Variants in THEM4 observed in about 807,000 individuals in gnomAD.
THEM4 encodes the protein thioesterase superfamily member 4.
Under a neutral mutation model 25.0 loss-of-function variants are expected in THEM4, and 22 were observed. The observed-to-expected ratio is 0.88, with a 90% CI of 0.63 to 1.26. The LOEUF (loss-of-function observed/expected upper bound fraction) is 1.26. Ranked by LOEUF, THEM4 falls within the 50% of genes most tolerant of loss-of-function variation. THEM4 has a pLI of 0.00. For synonymous variants in THEM4, 113 were observed against 105.6 expected (o/e 1.07, Z -0.43); for missense variants, 286 against 300.3 (o/e 0.95, Z 0.35).
chr1:151,897,455 C>T (rs532493640), intron 1 of THEM4, among the ~76,000 whole-genome samples: 5 of 152,306 alleles, frequency 3.3e-5, no homozygotes, highest in South Asian at 4.1e-4. Context: ...TTCCTGCCCT[C>T]GAACATCGGA....
At chr1:151,883,050 GGA>G (rs10549601) in intron 4 of THEM4, among the ~76,000 whole-genome samples, 132,375 of 149,724 alleles carry the variant, frequency 0.88, 58,672 homozygotes, top group East Asian at 0.92. Context: ...CATGGTGGCA[GGA>G]GAGAGAGAGA....
chr1:151,905,808 A>G (rs1182235764), intron 1 of THEM4, among the ~76,000 whole-genome samples: 1 of 152,242 alleles, frequency 6.6e-6, no homozygotes, highest in Admixed American at 6.5e-5. Flanking sequence ...TCTAAACAGC[A>G]CAGTGAAGGT....
chr1:151,906,581 G>A (rs577891279), intron 1 of THEM4, among the ~76,000 whole-genome samples: 7 of 152,366 alleles, frequency 4.6e-5, no homozygotes, highest in African/African-American at 1.7e-4. Flanking sequence ...GATCCACTGG[G>A]TGAAGCCAGC....
intron 5 of THEM4, 99 bp downstream of exon 5, chr1:151,876,900 CCT>C (rs1396037159): frequency 7.7e-6 from 11 of 1,436,814 alleles, no homozygotes; most frequent in South Asian, 1.5e-5. Flanking sequence ...AAAACACCCC[CCT>C]GACCCCCACA....
intron 2 of THEM4, among the ~76,000 whole-genome samples, chr1:151,893,020 C>T (rs1265909305): frequency 1.3e-5 from 2 of 152,104 alleles, no homozygotes; most frequent in Non-Finnish European, 2.9e-5. Flanking sequence ...GAGAGGTTAG[C>T]GGACTCAGCA....
intron 1 of THEM4, among the ~76,000 whole-genome samples, chr1:151,897,496 T>C (rs1654251077): frequency 6.6e-6 from 1 of 152,256 alleles, no homozygotes; most frequent in Non-Finnish European, 1.5e-5. Context: ...GGACTCTGAC[T>C]GGCTCTCCTT....
chr1:151,906,971 A>G (rs551618293), intron 1 of THEM4, among the ~76,000 whole-genome samples: 2 of 152,284 alleles, frequency 1.3e-5, no homozygotes, highest in South Asian at 2.1e-4. Context: ...CAGCAGTGGC[A>G]ACCCGCTCGG....
Position 151,872,026 on chromosome 1 carries a change from G to A in THEM4, c.*2862C>T, listed in dbSNP as rs1558186300. ...ATTTGTTGGAAGACTGGGAATAGAG[G>A]GTGGCCATTGCCAGACCTGTAACTT... On this transcript the variant is annotated 3_prime_UTR_variant, in exon 6 of 6. Coordinates refer to ENST00000368814, the MANE Select transcript of THEM4 (RefSeq NM_053055.5). Among the ~76,000 whole-genome samples the A allele has an allele frequency of 6.6e-6, 1 of 152,214 alleles. No homozygotes were observed. The highest frequency in any genetic ancestry group is 1.9e-4 in the East Asian group (1 of 5,202).
Position 151,873,879 on chromosome 1 carries a change from T to C in THEM4, c.*1009A>G, listed in dbSNP as rs1653609222. ...CCTAGCACTTTCAGGAGAATGGCCT[T>C]GGTCAACACCTTGATTTTGAACTTC... On this transcript the variant is annotated 3_prime_UTR_variant, in exon 6 of 6. Coordinates refer to ENST00000368814, the MANE Select transcript of THEM4 (RefSeq NM_053055.5). 6.6e-6 allele frequency: 1 copy of C among 152,224 alleles called. No homozygotes were observed. The highest frequency in any genetic ancestry group is 2.4e-5 in the African/African-American group (1 of 41,454). 9.4% of individuals were successfully genotyped at this position (152,224 alleles called of 1,614,324 possible).
intron 1 of THEM4, among the ~76,000 whole-genome samples, chr1:151,897,111 T>G (rs1558193360): frequency 6.6e-6 from 1 of 152,132 alleles, no homozygotes; most frequent in Non-Finnish European, 1.5e-5. Flanking sequence ...CAGAACAAAG[T>G]GTATGCCCAC....
intron 2 of THEM4, chr1:151,889,687 G>T: frequency 4.8e-6 from 1 of 207,668 alleles, no homozygotes; most frequent in Non-Finnish European, 9.6e-6. Context: ...CGGTAAAGAC[G>T]GAAATCCTTC....
chr1:151,899,165 G>A (rs1223840916), intron 1 of THEM4, among the ~76,000 whole-genome samples: 1 of 152,176 alleles, frequency 6.6e-6, no homozygotes, highest in Non-Finnish European at 1.5e-5. Flanking sequence ...GAAAGGCAAA[G>A]CCCAATGCAA....
intron 4 of THEM4, among the ~76,000 whole-genome samples, chr1:151,877,995 C>T (rs1173941489): frequency 6.6e-6 from 1 of 152,062 alleles, no homozygotes; most frequent in Non-Finnish European, 1.5e-5. Flanking sequence ...ATCTCTCTGC[C>T]CAGTTTTCCT....
intron 4 of THEM4, among the ~76,000 whole-genome samples, chr1:151,879,010 A>C (rs1653751037): frequency 6.6e-6 from 1 of 152,124 alleles, no homozygotes; most frequent in African/African-American, 2.4e-5. Context: ...ACAATGAGAG[A>C]GAGCATACAT....
At chr1:151,882,652 G>A (rs1259027635) in intron 4 of THEM4, among the ~76,000 whole-genome samples, 18 of 152,186 alleles carry the variant, frequency 1.2e-4, no homozygotes. Flanking sequence ...AGGTGGGCAT[G>A]TTGATGTATT....
In THEM4 at chr1:151,888,369, C is replaced by T. The variant is rs1654016670; in HGVS notation, c.461G>A (p.Gly154Asp). 1 of 1,612,540 alleles carries T rather than the reference C, an allele frequency of 6.2e-7. No homozygotes were observed. Among genetic ancestry groups the T allele is most frequent in the South Asian group, 1.1e-5 (1 of 90,886 alleles). ...LEGPPGFIHGGAIATMIDATV... is the reference protein window; with the variant it reads ...LEGPPGFIHGDAIATMIDATV... ...AGCATCAATCATGGTTGCAATGGCA[C>T]CTCCATGAATGAATCTAGTTACAAC... Residue 154 changes from glycine to aspartate, a missense_variant, in exon 4 of 6, where the codon GGT becomes GAT. Transcript: ENST00000368814.
chr1:151,899,588 C>T, intron 1 of THEM4, among the ~76,000 whole-genome samples: 1 of 150,866 alleles, frequency 6.6e-6, no homozygotes, highest in Non-Finnish European at 1.5e-5. Flanking sequence ...TGCAAATTAA[C>T]CTAATCCAAC....
intron 1 of THEM4, among the ~76,000 whole-genome samples, chr1:151,898,811 G>A (rs188233414): frequency 1.3e-5 from 2 of 152,352 alleles, no homozygotes; most frequent in Admixed American, 1.3e-4. Flanking sequence ...GACTCACTGG[G>A]TGGCTAGACC....
intron 4 of THEM4, among the ~76,000 whole-genome samples, chr1:151,881,341 G>T (rs541246366): frequency 6.6e-6 from 1 of 152,186 alleles, no homozygotes; most frequent in East Asian, 1.9e-4. Flanking sequence ...CCAATCCTCA[G>T]AATTTAGACA....
Sources: gnomAD v4.1 joint callset for allele counts (sites outside exome capture counted in the v4.1 genomes callset) on GRCh38, gnomAD v4.1.1 for gene constraint, MANE v1.5 for transcripts, NCBI Gene and HGNC (gene_info 2026-07-23, HGNC 2026-07-21) for gene names.